Variants in LILRB1 observed in about 807,000 individuals in gnomAD.
The protein encoded by LILRB1 is leukocyte immunoglobulin-like receptor subfamily B member 1.
A neutral mutation model predicts 74.6 loss-of-function variants in LILRB1; 59 were observed. The observed-to-expected ratio is 0.79, with a 90% confidence interval of 0.64 to 0.98. The LOEUF is 0.98. Among genes scored for constraint, LILRB1 ranks in the 50% least tolerant of loss-of-function variants. LILRB1 has a pLI of 0.00. For synonymous variants in LILRB1, 328 were observed against 333.9 expected, an observed-to-expected ratio of 0.98 and a Z score of 0.19; for missense variants, 804 against 822.6, an observed-to-expected ratio of 0.98 and a Z score of 0.28.
Position 54,637,011 on chromosome 19 carries a change from C to G in LILRB1, c.*133C>G, listed in dbSNP as rs2146310131. The G allele has an allele frequency of 1.9e-6, 2 of 1,037,702 alleles. No individual in the cohort carries two copies. The highest frequency in any genetic ancestry group is 2.8e-6 in the Non-Finnish European group (2 of 712,116). 64.3% of individuals were successfully genotyped at this position (1,037,702 alleles called of 1,614,324 possible). ...ACTCTGGGAACTTTTAGGGGTCACT[C>G]AATTCTGCAGTATAAATAACTAATG... On this transcript the variant is annotated 3_prime_UTR_variant, in exon 15 of 15. Transcript: ENST00000324602.
upstream of LILRB1, among the ~76,000 whole-genome samples, chr19:54,629,917 T>C (rs1421003962): frequency 6.7e-6 from 1 of 148,756 alleles, no homozygotes; most frequent in Non-Finnish European, 1.5e-5. Flanking sequence ...CAAATACACG[T>C]CCATCTATCC....
At chr19:54,620,868 A>G (rs1292163976) in intron 1 of LILRB1, among the ~76,000 whole-genome samples, 1 of 151,882 alleles carries the variant, frequency 6.6e-6, no homozygotes, top group Non-Finnish European at 1.5e-5. Flanking sequence ...TGTCTTATTT[A>G]TTTATTTATT....
chr19:54,629,801 C>T (rs1011549669), upstream of LILRB1, among the ~76,000 whole-genome samples: 7 of 152,026 alleles, frequency 4.6e-5, no homozygotes, highest in Non-Finnish European at 1.0e-4. Flanking sequence ...CACCTGTGGC[C>T]TCTGTTCTTT....
intron 1 of LILRB1, among the ~76,000 whole-genome samples, chr19:54,622,045 G>C (rs1388315142): frequency 6.6e-6 from 1 of 152,118 alleles, no homozygotes; most frequent in East Asian, 1.9e-4. Context: ...CTTGATGTCT[G>C]TGTATATTTT....
At position 54,634,145 on chromosome 19, in the gene LILRB1, A is replaced by C; in HGVS notation, c.1363+124A>C. 2.0e-6 allele frequency: 3 copies of C among 1,530,334 alleles called. No homozygotes were observed. In the South Asian group the frequency reaches 3.7e-5, roughly 19 times the overall value. 94.8% of individuals were successfully genotyped at this position (1,530,334 alleles called of 1,614,324 possible). Reference sequence around the variant, plus strand: ...CAGGCTCCTCCCCTGCTTGGGCCTCAGTTTCTCCAAATGTAAAGGTGAGAG... The same window carrying C: ...CAGGCTCCTCCCCTGCTTGGGCCTCCGTTTCTCCAAATGTAAAGGTGAGAG... On this transcript the variant is annotated intron_variant, in intron 9 of 14. Coordinates refer to ENST00000324602, the MANE Select transcript of LILRB1 (RefSeq NM_001081637.3).
rs765072622 is a variant in LILRB1 at position 54,632,161 on chromosome 19, C to T, written c.585C>T (p.Tyr195=). ...GPVSPSRRWW[Y]RCYAYDSNSP... Reference sequence around the variant, plus strand: ...TGAGCCCGAGTCGCAGGTGGTGGTACAGGTGCTATGCTTATGACTCGAACT... The same window carrying T: ...TGAGCCCGAGTCGCAGGTGGTGGTATAGGTGCTATGCTTATGACTCGAACT... Residue 195 remains tyrosine, a synonymous_variant, in exon 5 of 15, where the codon TAC becomes TAT. Transcript: ENST00000324602. 5.0e-6 allele frequency: 8 copies of T among 1,614,098 alleles called. No homozygotes were observed. In the South Asian group the frequency reaches 7.7e-5, roughly 16 times the overall value.
At position 54,636,913 on chromosome 19, in the gene LILRB1, G is replaced by C; in HGVS notation, c.*35G>C. 6.2e-7 allele frequency: 1 copy of C among 1,612,090 alleles called. No individual in the cohort carries two copies. Among genetic ancestry groups the C allele is most frequent in the African/African-American group, 1.3e-5 (1 of 74,956 alleles). Reference sequence around the variant, plus strand: ...GGACGCAGACCCCACACTCCATGGAGTCTGGAATGCATGGGAGCTGCCCCC... The same window carrying C: ...GGACGCAGACCCCACACTCCATGGACTCTGGAATGCATGGGAGCTGCCCCC... On this transcript the variant is annotated 3_prime_UTR_variant, in exon 15 of 15. Coordinates refer to ENST00000324602, the MANE Select transcript of LILRB1 (RefSeq NM_001081637.3).
At chr19:54,622,056 TG>T in intron 1 of LILRB1, among the ~76,000 whole-genome samples, 1 of 152,322 alleles carries the variant, frequency 6.6e-6, no homozygotes, top group East Asian at 1.9e-4. Context: ...TGTATATTTT[TG>T]TACTAGTAAA....
intron 12 of LILRB1, 73 bp downstream of exon 12, chr19:54,635,369 G>T: frequency 1.3e-6 from 2 of 1,589,298 alleles, no homozygotes; most frequent in Non-Finnish European, 8.6e-7. Context: ...ATGGGGAAAG[G>T]GGCGCTGGCT....
chr19:54,633,076 A>G lies in LILRB1; in HGVS notation c.1019A>G (p.Glu340Gly). Residue 340 changes from glutamate (E) to glycine (G), a missense_variant, in exon 7 of 15, where the codon GAG becomes GGG. By Grantham distance (98) the Glu-to-Gly change is moderately conservative. Coordinates refer to ENST00000324602, the MANE Select transcript of LILRB1 (RefSeq NM_001081637.3). ...CCGGGCCCCACGGTGGCCTCAGGAG[A>G]GAACGTGACCCTGCTGTGTCAGTCA... ...VQPGPTVASG[E>G]NVTLLCQSQG... 1 of 1,614,244 alleles carries G rather than the reference A, an allele frequency of 6.2e-7. No homozygotes were observed. The highest frequency in any genetic ancestry group is 1.3e-5 in the African/African-American group (1 of 75,078).
At chr19:54,624,251 C>CG (rs994405678) in intron 1 of LILRB1, among the ~76,000 whole-genome samples, 5 of 152,158 alleles carry the variant, frequency 3.3e-5, no homozygotes, top group Non-Finnish European at 5.9e-5. Flanking sequence ...GAGGTCTCTG[C>CG]GGGGGGTGAA....
At chr19:54,631,865 C>A (rs2063893602) in intron 4 of LILRB1, 70 bp from the exon 5 acceptor site, 2 of 1,606,644 alleles carry the variant, frequency 1.2e-6, no homozygotes, top group African/African-American at 1.3e-5. Flanking sequence ...TTCTCCCTCT[C>A]ACAGCCCAGC....
At chr19:54,633,937 C>A (rs2064149342) in intron 8 of LILRB1, 34 bp from the exon 9 acceptor site, 1 of 1,571,472 alleles carries the variant, frequency 6.4e-7, no homozygotes, top group Non-Finnish European at 8.6e-7. Flanking sequence ...GGGAGCAGGG[C>A]AGCCCCAGCC....
Position 54,631,944 on chromosome 19 carries a change from T to A in LILRB1, c.368T>A (p.Ile123Asn). Residue 123 changes from isoleucine to asparagine, a missense_variant, in exon 5 of 15, where the codon ATC becomes AAC. Transcript: ENST00000324602. ...CCTCCTTCTCTCCTAGGAGCCTACATCAAACCCACCCTCTCAGCCCAGCCC... is the reference window on the plus strand; with the variant it reads ...CCTCCTTCTCTCCTAGGAGCCTACAACAAACCCACCCTCTCAGCCCAGCCC... ...PLELVVTGAY[I>N]KPTLSAQPSP... is the part of the protein sequence containing the mutation. The A allele has an allele frequency of 7.1e-7, 1 of 1,406,486 alleles. No homozygotes were observed. The highest frequency in any genetic ancestry group is 1.9e-5 in the Admixed American group (1 of 51,758). The allele number at this position is 1,406,486 out of a possible 1,614,324, so 87.1% of individuals were successfully genotyped here. A position where few individuals can be genotyped will look rare whatever the true frequency, so the allele number is the denominator to read the frequency against.
In LILRB1 at chr19:54,631,518, C is replaced by A; in HGVS notation, c.89C>A (p.Thr30Asn). Residue 30 changes from threonine (T) to asparagine (N), a missense_variant, in exon 4 of 15, where the codon ACC becomes AAC. Physicochemically the swap from Thr to Asn is moderately conservative, Grantham distance 65. Transcript: ENST00000324602. ...CTTCCAGGGCACCTCCCCAAGCCCA[C>A]CCTCTGGGCTGAACCAGGCTCTGTG... ...HVQAGHLPKP[T>N]LWAEPGSVIT... 1 of 1,613,146 alleles carries A rather than the reference C, an allele frequency of 6.2e-7. No individual in the cohort carries two copies. The highest frequency in any genetic ancestry group is 8.5e-7 in the Non-Finnish European group (1 of 1,179,538).
At chr19:54,634,279 G>T (rs978389016) in intron 9 of LILRB1, 9 of 1,534,892 alleles carry the variant, frequency 5.9e-6, no homozygotes, top group Non-Finnish European at 7.9e-6. Flanking sequence ...GGCCTGTCCC[G>T]TCCCACCTGC....
In LILRB1 at chr19:54,635,429, G is replaced by A. The variant is rs377479516; in HGVS notation, c.1601-128G>A. On this transcript the variant is annotated intron_variant, in intron 12 of 14. Coordinates refer to ENST00000324602, the MANE Select transcript of LILRB1 (RefSeq NM_001081637.3). Reference sequence around the variant, plus strand: ...AGATCATCTCACCCCACACTGTGGGGCCTCAGGGACATCGCAGCCCCTCCC... The same window carrying A: ...AGATCATCTCACCCCACACTGTGGGACCTCAGGGACATCGCAGCCCCTCCC... 2,500 of 1,515,590 alleles carry A rather than the reference G, an allele frequency of 1.6e-3. 44 individuals carry two copies. The South Asian group carries it at 0.027, about 16-fold the overall frequency. The allele number at this position is 1,515,590 out of a possible 1,614,324, so 93.9% of individuals were successfully genotyped here.
In LILRB1 at chr19:54,636,563, G is replaced by T. The variant is rs746540786; in HGVS notation, c.1723G>T (p.Glu575Ter). 1 of 1,611,546 alleles carries T rather than the reference G, an allele frequency of 6.2e-7. No homozygotes were observed. The highest frequency in any genetic ancestry group is 8.5e-7 in the Non-Finnish European group (1 of 1,179,780). ...AEVKHSRPRR[E>*]MASPPSPLSG... ...GGTGAAACACTCCAGACCTAGGAGAGAAATGGCCTCTCCTCCTTCCCCACT... is the reference window on the plus strand; with the variant it reads ...GGTGAAACACTCCAGACCTAGGAGATAAATGGCCTCTCCTCCTTCCCCACT... The change falls in exon 14 of 15, where the codon GAA becomes TAA. Residue 575 changes from glutamate to a stop codon, truncating the protein, a stop_gained. Coordinates refer to ENST00000324602, the MANE Select transcript of LILRB1 (RefSeq NM_001081637.3). LOFTEE classifies it high-confidence loss of function.
At position 54,631,646 on chromosome 19, in the gene LILRB1, A is replaced by G. The variant is rs1442231717; in HGVS notation, c.217A>G (p.Ile73Val). 6.2e-7 allele frequency: 1 copy of G among 1,614,282 alleles called. No individual in the cohort carries two copies. The highest frequency in any genetic ancestry group is 1.7e-5 in the Admixed American group (1 of 60,032). Residue 73 changes from isoleucine to valine, a missense_variant, in exon 4 of 15, where the codon ATC (isoleucine) becomes GTC (valine). Transcript: ENST00000324602. ...EKKTAPWITRIPQELVKKGQF... is the reference protein window; with the variant it reads ...EKKTAPWITRVPQELVKKGQF... ...GAAAACAGCACCCTGGATTACACGG[A>G]TCCCACAGGAGCTTGTGAAGAAGGG...
Sources: gnomAD v4.1 joint callset for allele counts (sites outside exome capture counted in the v4.1 genomes callset) on GRCh38, gnomAD v4.1.1 for gene constraint, MANE v1.5 for transcripts, NCBI Gene and HGNC (gene_info 2026-07-23, HGNC 2026-07-21) for gene names.